The following CNTNAP2 variants were observed in gnomAD, a reference collection of about 807,000 sequenced individuals.
The protein encoded by CNTNAP2 is contactin associated protein 2.
CNTNAP2 carries 98 observed loss-of-function variants against 155.2 expected under a neutral mutation model. That is an observed-to-expected ratio of 0.63 (90% CI 0.54 to 0.75). CNTNAP2 has a LOEUF of 0.75. CNTNAP2 is among the 30% of genes least tolerant of loss of function. CNTNAP2 has a pLI of 0.00. For missense variants in CNTNAP2, 1,727 were observed against 1,688.1 expected, an observed-to-expected ratio of 1.02 and a Z score of -0.40; for synonymous variants, 651 against 631.2, an observed-to-expected ratio of 1.03 and a Z score of -0.47.
At chr7:146,369,052 CAT>C (rs1371257311) in intron 1 of CNTNAP2, among the ~76,000 whole-genome samples, 26 of 66,386 alleles carry the variant, frequency 3.9e-4, no homozygotes, top group African/African-American at 9.8e-4. Context: ...TATATATATA[CAT>C]ATATATATAT....
chr7:147,177,844 T>C (rs562740791), intron 8 of CNTNAP2, among the ~76,000 whole-genome samples: 28 of 152,276 alleles, frequency 1.8e-4, no homozygotes, highest in African/African-American at 6.5e-4. Flanking sequence ...AAAGCAATTA[T>C]GTAGCACAAC....
chr7:146,872,191 A>C (rs2129207435), intron 3 of CNTNAP2, among the ~76,000 whole-genome samples: 1 of 137,904 alleles, frequency 7.3e-6, no homozygotes, highest in Middle Eastern at 3.7e-3. Context: ...TTTTTTGGTA[A>C]ATTGAATTCT....
chr7:147,180,762 G>A (rs1351370625), intron 8 of CNTNAP2, among the ~76,000 whole-genome samples: 1 of 152,062 alleles, frequency 6.6e-6, no homozygotes, highest in Non-Finnish European at 1.5e-5. Flanking sequence ...CAGCATACTT[G>A]TACGCTGTAC....
intron 8 of CNTNAP2, among the ~76,000 whole-genome samples, chr7:147,298,713 A>C (rs62485028): frequency 0.035 from 5,264 of 152,310 alleles, 125 homozygotes; most frequent in Non-Finnish European, 0.052. Flanking sequence ...CTGACTCTTG[A>C]TGTAGGGCAT....
chr7:147,906,748 C>T lies in CNTNAP2; in HGVS notation c.2255+3027C>T, dbSNP rs563991301. On this transcript the variant is annotated intron_variant, in intron 14 of 23. Coordinates refer to ENST00000361727, the MANE Select transcript of CNTNAP2 (RefSeq NM_014141.6). ...GTGCTGGGATTATAGGCGTGAGCCA[C>T]GGCGCCCAGTCACAAGATTGATTTT... 1.9e-4 allele frequency among the ~76,000 whole-genome samples: 29 copies of T among 152,168 alleles called. No homozygotes were observed. In the South Asian group the frequency reaches 5.2e-3, roughly 27 times the overall value.
intron 11 of CNTNAP2, among the ~76,000 whole-genome samples, chr7:147,507,485 C>A (rs1798926704): frequency 6.6e-6 from 1 of 150,564 alleles, no homozygotes; most frequent in South Asian, 2.1e-4. Context: ...TCTATATTGG[C>A]AAATTGATGT....
chr7:146,759,084 G>GT (rs1161267015), intron 1 of CNTNAP2, among the ~76,000 whole-genome samples: 3 of 149,812 alleles, frequency 2.0e-5, no homozygotes, highest in South Asian at 2.2e-4. Context: ...GATTGGTATA[G>GT]TTTTTTTATT....
At chr7:147,775,347 A>C (rs1372813283) in intron 13 of CNTNAP2, among the ~76,000 whole-genome samples, 3 of 42,280 alleles carry the variant, frequency 7.1e-5, no homozygotes, top group South Asian at 6.7e-4. Context: ...AAATATATAT[A>C]TTTATATATA....
chr7:146,445,616 G>C (rs546692446), intron 1 of CNTNAP2, among the ~76,000 whole-genome samples: 1 of 152,084 alleles, frequency 6.6e-6, no homozygotes, highest in African/African-American at 2.4e-5. Context: ...TCTCTTTACA[G>C]TTTCTTTTCT....
rs546370326 is a variant in CNTNAP2, at chr7:148,030,177, C to A, written c.2383+52188C>A. ...ACCAAGTGCTGCTGATCCTTTGGAG[C>A]TTTTCTTAATCCTCTTTTGACCTCT... On this transcript the variant is annotated intron_variant, in intron 15 of 23. Coordinates refer to ENST00000361727, the MANE Select transcript of CNTNAP2 (RefSeq NM_014141.6). Among the ~76,000 whole-genome samples the A allele has an allele frequency of 3.3e-5, 5 of 152,296 alleles. No individual in the cohort carries two copies. In the South Asian group the frequency reaches 1.0e-3, roughly 32 times the overall value.
chr7:146,451,226 G>A (rs911697346), intron 1 of CNTNAP2, among the ~76,000 whole-genome samples: 5 of 152,170 alleles, frequency 3.3e-5, no homozygotes, highest in Non-Finnish European at 5.9e-5. Flanking sequence ...GATTACAGGC[G>A]TGAGCCACCG....
chr7:146,582,816 T>C (rs1436158252), intron 1 of CNTNAP2, among the ~76,000 whole-genome samples: 1 of 151,430 alleles, frequency 6.6e-6, no homozygotes, highest in Admixed American at 6.6e-5. Flanking sequence ...TTTTTTTTGC[T>C]TTCATTATCA....
At chr7:146,224,595 A>C (rs1266784214) in intron 1 of CNTNAP2, among the ~76,000 whole-genome samples, 2 of 149,456 alleles carry the variant, frequency 1.3e-5, no homozygotes, top group African/African-American at 2.4e-5. Context: ...AAAATACAAA[A>C]AAAAAAAAAG....
intron 1 of CNTNAP2, among the ~76,000 whole-genome samples, chr7:146,333,615 T>C (rs1392292233): frequency 6.6e-6 from 1 of 152,224 alleles, no homozygotes; most frequent in Admixed American, 6.5e-5. Context: ...CTCTTAGTAA[T>C]CATATTATTA....
chr7:146,592,039 A>G (rs1013183810), intron 1 of CNTNAP2, among the ~76,000 whole-genome samples: 1 of 152,172 alleles, frequency 6.6e-6, no homozygotes, highest in African/African-American at 2.4e-5. Context: ...CATGACCAAG[A>G]GAAGAAAGAG....
chr7:146,913,737 T>A (rs1046774773), intron 3 of CNTNAP2, among the ~76,000 whole-genome samples: 2 of 151,930 alleles, frequency 1.3e-5, no homozygotes, highest in Non-Finnish European at 2.9e-5. Context: ...CATAGATAAG[T>A]GGGGTATCAA....
At chr7:147,967,570 AC>A (rs1165674031) in intron 14 of CNTNAP2, among the ~76,000 whole-genome samples, 2 of 152,170 alleles carry the variant, frequency 1.3e-5, no homozygotes, top group South Asian at 2.1e-4. Flanking sequence ...CTGGTTGAGT[AC>A]CTTAGTCTAG....
At chr7:147,789,332 C>T (rs1584955982) in intron 13 of CNTNAP2, among the ~76,000 whole-genome samples, 1 of 152,328 alleles carries the variant, frequency 6.6e-6, no homozygotes, top group African/African-American at 2.4e-5. Context: ...ACTGCAGTCA[C>T]TTCTTGGCTG....
intron 8 of CNTNAP2, among the ~76,000 whole-genome samples, chr7:147,290,215 A>T (rs1454445862): frequency 1.3e-5 from 2 of 152,210 alleles, no homozygotes; most frequent in Non-Finnish European, 2.9e-5. Context: ...ATTGATTAAA[A>T]CTGAACTCAT....
Sources: allele counts gnomAD v4.1 joint callset (sites outside exome capture counted in the v4.1 genomes callset), GRCh38; gene constraint gnomAD v4.1.1; transcripts MANE v1.5; gene names NCBI Gene and HGNC (gene_info 2026-07-23, HGNC 2026-07-21).